PCSK5: variants seen among roughly 807,000 people sequenced by gnomAD.
PCSK5 encodes proprotein convertase subtilisin/kexin type 5.
In PCSK5, 129 loss-of-function variants were observed where a neutral mutation model predicts 233.2. That is an observed-to-expected ratio of 0.55 (90% CI 0.48 to 0.64). The LOEUF (loss-of-function observed/expected upper bound fraction) is 0.64. Among genes scored for constraint, PCSK5 ranks in the 30% least tolerant of loss-of-function variants. The pLI, the probability that PCSK5 is intolerant of heterozygous loss-of-function variation, is 0.00. For synonymous variants in PCSK5, 825 were observed against 879.2 expected (o/e 0.94, Z 1.09); for missense variants, 2,076 against 2,430.1 (o/e 0.85, Z 3.06).
intron 2 of PCSK5, among the ~76,000 whole-genome samples, chr9:75,957,825 C>T (rs960374003): frequency 6.6e-6 from 1 of 152,148 alleles, no homozygotes; most frequent in Non-Finnish European, 1.5e-5. Flanking sequence ...ACTTTTGGAA[C>T]AATGATGAAG....
intron 1 of PCSK5, among the ~76,000 whole-genome samples, chr9:75,921,566 TTGTG>T (rs570109508): frequency 1.3e-5 from 2 of 148,932 alleles, no homozygotes. Context: ...TCTATTTCGT[TTGTG>T]TGTGTGTGTG....
chr9:76,139,621 C>T (rs1823122638), intron 10 of PCSK5, among the ~76,000 whole-genome samples: 2 of 151,912 alleles, frequency 1.3e-5, no homozygotes, highest in African/African-American at 4.8e-5. Flanking sequence ...AAAATGTGCC[C>T]CCTGGAAATG....
At chr9:75,954,986 T>C (rs1267303708) in intron 2 of PCSK5, among the ~76,000 whole-genome samples, 1 of 152,198 alleles carries the variant, frequency 6.6e-6, no homozygotes, top group African/African-American at 2.4e-5. Flanking sequence ...TTGGAAATCT[T>C]TTAGGTTCTG....
intron 2 of PCSK5, among the ~76,000 whole-genome samples, chr9:75,939,066 T>G (rs1169950651): frequency 1.3e-5 from 2 of 152,166 alleles, no homozygotes; most frequent in African/African-American, 4.8e-5. Context: ...ATTCTTTACT[T>G]ACAAGGCTCC....
chr9:75,933,759 T>G (rs1248280109), intron 2 of PCSK5, among the ~76,000 whole-genome samples: 2 of 152,252 alleles, frequency 1.3e-5, no homozygotes, highest in African/African-American at 4.8e-5. Context: ...TTTGTCACTA[T>G]TCAGAATTGA....
chr9:75,989,476 A>G (rs1008996442), intron 3 of PCSK5, among the ~76,000 whole-genome samples: 1 of 146,916 alleles, frequency 6.8e-6, no homozygotes, highest in Non-Finnish European at 1.5e-5. Context: ...CCTGGGTGAC[A>G]GAATGAGACC....
At chr9:76,064,630 C>T (rs1830205135) in intron 5 of PCSK5, among the ~76,000 whole-genome samples, 1 of 148,386 alleles carries the variant, frequency 6.7e-6, no homozygotes, top group Non-Finnish European at 1.5e-5. Flanking sequence ...AGCTGCCAGG[C>T]GGAGGGGCTC....
chr9:76,278,526 CT>C (rs915489977), intron 24 of PCSK5, among the ~76,000 whole-genome samples: 11 of 149,230 alleles, frequency 7.4e-5, no homozygotes, highest in South Asian at 4.3e-4. Context: ...AGGACCTGAG[CT>C]TTTTTTTTTC....
intron 16 of PCSK5, among the ~76,000 whole-genome samples, chr9:76,183,860 A>G (rs1041055714): frequency 6.6e-6 from 1 of 152,238 alleles, no homozygotes. Flanking sequence ...CTTGCATATC[A>G]GAGCAGGTAC....
At chr9:75,994,667 C>G (rs1483240121) in intron 3 of PCSK5, among the ~76,000 whole-genome samples, 1 of 151,982 alleles carries the variant, frequency 6.6e-6, no homozygotes, top group African/African-American at 2.4e-5. Context: ...TGCGATCCAC[C>G]CGCCTCGGCC....
At chr9:76,120,292 A>C (rs1233606356) in intron 9 of PCSK5, among the ~76,000 whole-genome samples, 1 of 152,050 alleles carries the variant, frequency 6.6e-6, no homozygotes, top group Non-Finnish European at 1.5e-5. Flanking sequence ...ACATTACAGA[A>C]TCACTTCATA....
Position 75,891,156 on chromosome 9 carries a change from C to G in PCSK5, c.-26C>G. Reference sequence around the variant, plus strand: ...TTAGTGCGCGGAACCAGCCAGCGAGCGAGGGAGCAGCGAGGCGCCGGGACC... The same window carrying G: ...TTAGTGCGCGGAACCAGCCAGCGAGGGAGGGAGCAGCGAGGCGCCGGGACC... On this transcript the variant is annotated 5_prime_UTR_variant, in exon 1 of 38. Transcript: ENST00000674117. 6.9e-7 allele frequency: 1 copy of G among 1,445,228 alleles called. No homozygotes were observed. Among genetic ancestry groups the G allele is most frequent in the Non-Finnish European group, 9.0e-7 (1 of 1,107,552 alleles). The allele number at this position is 1,445,228 out of a possible 1,614,324, so 89.5% of individuals were successfully genotyped here.
chr9:76,246,748 A>G (rs1826614907), intron 24 of PCSK5, among the ~76,000 whole-genome samples: 1 of 152,232 alleles, frequency 6.6e-6, no homozygotes, highest in Non-Finnish European at 1.5e-5. Flanking sequence ...GCAGCTACCA[A>G]AAGAGCAAAG....
chr9:76,107,403 GA>G, intron 9 of PCSK5, 52 bp downstream of exon 9: 1 of 1,183,386 alleles, frequency 8.5e-7, no homozygotes, highest in Non-Finnish European at 1.2e-6. Flanking sequence ...TGATCTCAGG[GA>G]AAACGTACCC....
At chr9:76,161,953 GTCT>G (rs1389819500) in intron 12 of PCSK5, among the ~76,000 whole-genome samples, 1 of 152,160 alleles carries the variant, frequency 6.6e-6, no homozygotes, top group Non-Finnish European at 1.5e-5. Context: ...CCCAGAATGT[GTCT>G]TCTTGGTCTG....
chr9:76,292,740 C>T (rs1254694444), intron 25 of PCSK5, among the ~76,000 whole-genome samples: 1 of 152,222 alleles, frequency 6.6e-6, no homozygotes, highest in Non-Finnish European at 1.5e-5. Context: ...GTAACCATCA[C>T]TCCCAATGTA....
At chr9:75,978,953 A>T (rs1262713881) in intron 2 of PCSK5, among the ~76,000 whole-genome samples, 1 of 144,186 alleles carries the variant, frequency 6.9e-6, no homozygotes, top group East Asian at 2.1e-4. Context: ...GCTCACCGCA[A>T]CCTCCACCTC....
chr9:75,963,903 A>T (rs561606572), intron 2 of PCSK5, among the ~76,000 whole-genome samples: 1 of 152,272 alleles, frequency 6.6e-6, no homozygotes, highest in East Asian at 1.9e-4. Context: ...TAAAAAAAAA[A>T]TTCAGTCACC....
chr9:76,227,328 T>C, intron 20 of PCSK5, among the ~76,000 whole-genome samples, 175 bp from the exon 21 acceptor site: 1 of 152,126 alleles, frequency 6.6e-6, no homozygotes. Context: ...AGAGGAGCAG[T>C]TGTTATGATA....
Sources: gnomAD v4.1 joint callset for allele counts (sites outside exome capture counted in the v4.1 genomes callset) on GRCh38, gnomAD v4.1.1 for gene constraint, MANE v1.5 for transcripts, NCBI Gene and HGNC (gene_info 2026-07-23, HGNC 2026-07-21) for gene names.